Variants in NEK11 observed in about 807,000 individuals in gnomAD.
The protein encoded by NEK11 is NIMA related kinase 11.
In NEK11, 72 loss-of-function variants were observed where a neutral mutation model predicts 80.7. That is an observed-to-expected ratio of 0.89 (90% CI 0.74 to 1.08). NEK11 has a LOEUF of 1.08. Ranked by LOEUF, NEK11 falls within the 50% of genes least tolerant of loss-of-function variation. The probability of loss-of-function intolerance (pLI) is 0.00; values close to 1 mark genes in which losing one functional copy is unlikely to be tolerated. For synonymous variants in NEK11, 251 were observed against 260.7 expected (o/e 0.96, Z 0.36); for missense variants, 764 against 763.6 (o/e 1.00, Z -0.01).
chr3:131,129,931 A>G (rs1009122681), intron 5 of NEK11, among the ~76,000 whole-genome samples: 5 of 152,128 alleles, frequency 3.3e-5, no homozygotes, highest in African/African-American at 1.2e-4. Context: ...TTGCCTTTCC[A>G]TACAAATTTT....
intron 5 of NEK11, among the ~76,000 whole-genome samples, chr3:131,131,882 A>C (rs960414622): frequency 6.6e-6 from 1 of 151,954 alleles, no homozygotes; most frequent in African/African-American, 2.4e-5. Flanking sequence ...ATATCACACA[A>C]ATTTTGATAA....
At chr3:131,119,783 G>T (rs533536349) in intron 5 of NEK11, among the ~76,000 whole-genome samples, 2,138 of 152,176 alleles carry the variant, frequency 0.014, 47 homozygotes, top group African/African-American at 0.049. Flanking sequence ...TCAGAGACTA[G>T]GATTGCAACC....
At chr3:131,137,931 A>G in intron 7 of NEK11, among the ~76,000 whole-genome samples, 1 of 152,200 alleles carries the variant, frequency 6.6e-6, no homozygotes, top group East Asian at 1.9e-4. Context: ...ATTTTGATAT[A>G]GGCATGCAAT....
intron 14 of NEK11, among the ~76,000 whole-genome samples, chr3:131,193,126 A>C (rs2093865299): frequency 6.6e-6 from 1 of 152,220 alleles, no homozygotes; most frequent in Non-Finnish European, 1.5e-5. Context: ...TTGCATACTT[A>C]TCATGAAAGT....
intron 3 of NEK11, among the ~76,000 whole-genome samples, chr3:131,032,546 G>C (rs1478416933): frequency 6.6e-6 from 1 of 152,174 alleles, no homozygotes; most frequent in Non-Finnish European, 1.5e-5. Flanking sequence ...TCAGAAAAAA[G>C]TATGAATGTG....
chr3:131,098,409 G>A (rs1167112465), intron 4 of NEK11, among the ~76,000 whole-genome samples: 1 of 152,082 alleles, frequency 6.6e-6, no homozygotes, highest in Admixed American at 6.6e-5. Flanking sequence ...CTACTCATCT[G>A]TTTTTTGACT....
chr3:131,283,627 G>A (rs755296580), intron 17 of NEK11, among the ~76,000 whole-genome samples: 5 of 151,870 alleles, frequency 3.3e-5, no homozygotes, highest in Non-Finnish European at 5.9e-5. Context: ...TTCACTGATT[G>A]AAGTAACCCT....
At chr3:131,338,275 T>G (rs1053917279) in intron 17 of NEK11, among the ~76,000 whole-genome samples, 5 of 148,184 alleles carry the variant, frequency 3.4e-5, no homozygotes, top group East Asian at 3.9e-4. Context: ...GGTTTTTTTT[T>G]TTTTTTTTTT....
chr3:131,209,905 T>C (rs554724239), intron 14 of NEK11, among the ~76,000 whole-genome samples: 1 of 152,320 alleles, frequency 6.6e-6, no homozygotes, highest in African/African-American at 2.4e-5. Flanking sequence ...CTAGCATCTA[T>C]CTATTTTGTT....
intron 14 of NEK11, among the ~76,000 whole-genome samples, chr3:131,221,825 T>C (rs184108830): frequency 1.3e-5 from 2 of 152,264 alleles, no homozygotes; most frequent in East Asian, 3.9e-4. Context: ...TCAAAGTGTG[T>C]TTCCAGACGA....
intron 3 of NEK11, among the ~76,000 whole-genome samples, chr3:131,033,661 C>G (rs1191285422): frequency 6.6e-6 from 1 of 152,092 alleles, no homozygotes; most frequent in Non-Finnish European, 1.5e-5. Flanking sequence ...ATCATTATGC[C>G]ACTTGGGGGC....
In NEK11 at chr3:131,157,749, C is replaced by T. The variant is rs972274085; in HGVS notation, c.962+2628C>T. 8.5e-5 allele frequency among the ~76,000 whole-genome samples: 13 copies of T among 152,210 alleles called. No homozygotes were observed. The South Asian group carries it at 2.7e-3, about 32-fold the overall frequency. On this transcript the variant is annotated intron_variant, in intron 10 of 17. Coordinates refer to ENST00000383366, the MANE Select transcript of NEK11 (RefSeq NM_024800.5). Reference sequence around the variant, plus strand: ...GAATCCTGTATGGGGCCACTGTACACCTGTGCACCGGGACCTCCAGTGACG... The same window carrying T: ...GAATCCTGTATGGGGCCACTGTACATCTGTGCACCGGGACCTCCAGTGACG...
Position 131,350,298 on chromosome 3 carries a change from G to A in NEK11, c.*522G>A, listed in dbSNP as rs2097431641. The A allele has an allele frequency of 6.5e-6, 1 of 153,774 alleles. No individual in the cohort carries two copies. The highest frequency in any genetic ancestry group is 1.4e-5 in the Non-Finnish European group (1 of 69,200). 9.5% of individuals were successfully genotyped at this position (153,774 alleles called of 1,614,324 possible). ...TTGCCCTTCCATGACTAATAAGGAA[G>A]ATATGTGTGTATTTCATACACACAC... On this transcript the variant is annotated 3_prime_UTR_variant, in exon 18 of 18. Coordinates refer to ENST00000383366, the MANE Select transcript of NEK11 (RefSeq NM_024800.5).
chr3:131,214,040 A>G (rs1016430104), intron 14 of NEK11, among the ~76,000 whole-genome samples: 3 of 152,268 alleles, frequency 2.0e-5, no homozygotes, highest in South Asian at 2.1e-4. Context: ...CAGTCTGCAA[A>G]TCAGGAAGGG....
chr3:131,325,357 G>T (rs1456586806), intron 17 of NEK11: 1 of 141,030 alleles, frequency 7.1e-6, no homozygotes, highest in South Asian at 2.2e-4. Context: ...TTTCTAAGGG[G>T]TACATACTTG....
Position 131,205,397 on chromosome 3 carries a change from T to G in NEK11, c.1400-23131T>G, listed in dbSNP as rs200102587. Reference sequence around the variant, plus strand: ...TCTGATTAGAGGAACCACAAACAGGTAGAGCTGGAGAAAGCAGAATAGGAA... The same window carrying G: ...TCTGATTAGAGGAACCACAAACAGGGAGAGCTGGAGAAAGCAGAATAGGAA... On this transcript the variant is annotated intron_variant, in intron 14 of 17. Coordinates refer to ENST00000383366, the MANE Select transcript of NEK11 (RefSeq NM_024800.5). Among the ~76,000 whole-genome samples, 6 of 152,192 alleles carry G rather than the reference T, an allele frequency of 3.9e-5. No individual in the cohort carries two copies. The East Asian group carries it at 1.2e-3, about 29-fold the overall frequency.
intron 3 of NEK11, among the ~76,000 whole-genome samples, chr3:131,065,413 T>A (rs2071733124): frequency 1.3e-5 from 2 of 152,346 alleles, no homozygotes; most frequent in Admixed American, 1.3e-4. Context: ...CCCCTCAACA[T>A]CTTAAAATCA....
chr3:131,190,202 A>G (rs1203272012), intron 14 of NEK11, among the ~76,000 whole-genome samples: 1 of 152,200 alleles, frequency 6.6e-6, no homozygotes, highest in Non-Finnish European at 1.5e-5. Flanking sequence ...GCTCTCAAAA[A>G]CTACTGTTCG....
chr3:131,115,710 C>T (rs922896786), intron 5 of NEK11, among the ~76,000 whole-genome samples: 1 of 152,096 alleles, frequency 6.6e-6, no homozygotes, highest in African/African-American at 2.4e-5. Context: ...ACAGAGCAGC[C>T]TCTCTGCAGA....
Sources: gnomAD v4.1 joint callset for allele counts (sites outside exome capture counted in the v4.1 genomes callset) on GRCh38, gnomAD v4.1.1 for gene constraint, MANE v1.5 for transcripts, NCBI Gene and HGNC (gene_info 2026-07-23, HGNC 2026-07-21) for gene names.